Variants in TRMU observed in about 807,000 individuals in gnomAD.
TRMU encodes mitochondrial tRNA-specific 2-thiouridylase 1.
In TRMU, 49 loss-of-function variants were observed where a neutral mutation model predicts 46.9. The observed-to-expected ratio is 1.05, with a 90% CI of 0.83 to 1.33. TRMU has a LOEUF of 1.33. Among genes scored for constraint, TRMU ranks in the 40% most tolerant of loss-of-function variants. TRMU has a pLI of 0.00. For synonymous variants in TRMU, 241 were observed against 200.9 expected (o/e 1.20, Z -1.69); for missense variants, 572 against 532.4 (o/e 1.07, Z -0.73).
Position 46,339,201 on chromosome 22 carries a change from G to A in TRMU, c.248+1257G>A, listed in dbSNP as rs574964715. ...GCCTCGCTCTGTTGCCCAGGCTGGA[G>A]TGCAGTGGCGCAATCTTGGCTCACT... On this transcript the variant is annotated intron_variant, in intron 2 of 10. Coordinates refer to ENST00000645190, the MANE Select transcript of TRMU (RefSeq NM_018006.5). This position sits in a 1 kb window ranked among gnomAD's most constrained non-coding sequence, Gnocchi z 4.8. Among the ~76,000 whole-genome samples the A allele has an allele frequency of 2.1e-3, 313 of 152,248 alleles. 3 individuals carry two copies. Among genetic ancestry groups the A allele is most frequent in the African/African-American group, 7.4e-3 (306 of 41,540 alleles).
chr22:46,345,812 G>C (rs1311704466), intron 3 of TRMU, among the ~76,000 whole-genome samples: 6 of 148,978 alleles, frequency 4.0e-5, no homozygotes, highest in Non-Finnish European at 7.4e-5. Flanking sequence ...CTGTTGCCCA[G>C]ACTAGAGTGC....
chr22:46,354,171 C>T lies in TRMU; in HGVS notation c.873+304C>T, dbSNP rs146432169. 9.7e-4 allele frequency: 355 copies of T among 364,956 alleles called. 1 individual carries two copies. The highest frequency in any genetic ancestry group is 6.5e-3 in the African/African-American group (306 of 47,376). The allele number at this position is 364,956 out of a possible 1,614,324, so 22.6% of individuals were successfully genotyped here. ...ACGCCCAGAGCTTGGGTGGCTCATC[C>T]GGTGGAGAGGGCATGGCCTCAGTGC... On this transcript the variant is annotated intron_variant, in intron 8 of 10. Transcript: ENST00000645190.
At position 46,336,015 on chromosome 22, in the gene TRMU, T is replaced by C; in HGVS notation, c.82+169T>C. On this transcript the variant is annotated intron_variant, in intron 1 of 10. Coordinates refer to ENST00000645190, the MANE Select transcript of TRMU (RefSeq NM_018006.5). This position sits in a 1 kb window ranked among gnomAD's most constrained non-coding sequence, Gnocchi z 4.1. ...ACTTTGGTTCGGAGGCTCCTCGCCC[T>C]CCACCTGTGTAGTCGGAGGTGTGCG... 2.8e-6 allele frequency: 4 copies of C among 1,440,956 alleles called. No individual in the cohort carries two copies. Among genetic ancestry groups the C allele is most frequent in the Non-Finnish European group, 3.6e-6 (4 of 1,098,538 alleles). The allele number at this position is 1,440,956 out of a possible 1,614,324, so 89.3% of individuals were successfully genotyped here.
At chr22:46,356,553 C>T (rs1602001601) in intron 10 of TRMU, 2 of 500,196 alleles carry the variant, frequency 4.0e-6, no homozygotes, top group South Asian at 5.0e-5. Context: ...GCTCCACATT[C>T]CCAAGGGGTG....
In TRMU at chr22:46,356,052, C is replaced by T. The variant is rs185988821; in HGVS notation, c.1081C>T (p.Arg361Cys). 106 of 1,613,970 alleles carry T rather than the reference C, an allele frequency of 6.6e-5. No homozygotes were observed. In the Admixed American group the frequency reaches 6.7e-4, roughly 10 times the overall value. Residue 361 changes from arginine to cysteine, a missense_variant, in exon 10 of 11, where the codon CGT becomes TGT. By Grantham distance (180) the Arg-to-Cys change is radical. Transcript: ENST00000645190. Reference protein sequence around the residue: ...TVWVTAVQAVRALATGQFAVF... With the variant: ...TVWVTAVQAVCALATGQFAVF... Reference sequence around the variant, plus strand: ...GTGGGTGACAGCTGTGCAGGCTGTGCGTGCCCTTGCCACAGGACAGGTGCG... The same window carrying T: ...GTGGGTGACAGCTGTGCAGGCTGTGTGTGCCCTTGCCACAGGACAGGTGCG...
chr22:46,355,621 C>T (rs1262472196), intron 9 of TRMU, 33 bp downstream of exon 9: 2 of 1,613,016 alleles, frequency 1.2e-6, no homozygotes, highest in African/African-American at 1.3e-5. Context: ...AGGACGGGCC[C>T]CTTGAAGCTG....
chr22:46,353,869 T>G lies in TRMU; in HGVS notation c.873+2T>G. On this transcript the variant is annotated splice_donor_variant, in intron 8 of 10. Transcript: ENST00000645190. LOFTEE classifies it high-confidence loss of function. ...AGCGTCAAGGGTGACGTGTTTGTGG[T>G]GAGTGGGCCGGCCTCTGAGACAGCA... The G allele has an allele frequency of 1.2e-6, 2 of 1,613,164 alleles. No individual in the cohort carries two copies. Among genetic ancestry groups the G allele is most frequent in the African/African-American group, 1.3e-5 (1 of 74,976 alleles).
chr22:46,335,790 G>C lies in TRMU; in HGVS notation c.26G>C (p.Cys9Ser), dbSNP rs760507725. The C allele has an allele frequency of 6.4e-7, 1 of 1,560,838 alleles. No individual in the cohort carries two copies. Among genetic ancestry groups the C allele is most frequent in the East Asian group, 2.4e-5 (1 of 41,962 alleles). MQALRHVV[C>S]ALSGGVDSAV... The stretch of plus-strand genomic sequence containing the variant: ...ATGCAGGCCTTGCGGCACGTCGTGT[G>C]CGCCCTGTCCGGCGGCGTGGACAGC... The change falls in exon 1 of 11, where the codon TGC (cysteine) becomes TCC (serine). Residue 9 changes from cysteine to serine, a missense_variant. Cys to Ser is a moderately radical substitution (Grantham distance 112). Coordinates refer to ENST00000645190, the MANE Select transcript of TRMU (RefSeq NM_018006.5).
chr22:46,346,002 A>G (rs562392457), intron 3 of TRMU, among the ~76,000 whole-genome samples: 1 of 152,172 alleles, frequency 6.6e-6, no homozygotes, highest in African/African-American at 2.4e-5. Flanking sequence ...TCCTGAGCAC[A>G]AGCAATCATC....
rs372134730 is a variant in TRMU at position 46,356,076 on chromosome 22, C to T, written c.1101+4C>T. 1.2e-5 allele frequency: 20 copies of T among 1,613,862 alleles called. No individual in the cohort carries two copies. Among genetic ancestry groups the T allele is most frequent in the Middle Eastern group, 1.7e-4 (1 of 6,054 alleles). On this transcript the variant is annotated splice_donor_region_variant and intron_variant, in intron 10 of 10. Transcript: ENST00000645190. ...GCGTGCCCTTGCCACAGGACAGGTGCGTGGGGTGTGGGGGTGAGCCCGGGG... is the reference window on the plus strand; with the variant it reads ...GCGTGCCCTTGCCACAGGACAGGTGTGTGGGGTGTGGGGGTGAGCCCGGGG...
Position 46,356,970 on chromosome 22 carries a change from CCCAGAAGATGGT to C in TRMU, c.1235_1246del (p.Glu412_Pro415del). The C allele has an allele frequency of 3.1e-6, 5 of 1,613,592 alleles. No individual in the cohort carries two copies. Among genetic ancestry groups the C allele is most frequent in the Non-Finnish European group, 4.2e-6 (5 of 1,180,012 alleles). On this transcript the variant is annotated inframe_deletion, in exon 11 of 11. Transcript: ENST00000645190. ...TGGCCACTGAGAGCCCCAGTGACAG[CCCAGAAGATGGT>C]CCAGGCCTGAGTCCCTTGCTCTGAC...
Position 46,338,037 on chromosome 22 carries a change from T to C in TRMU, c.248+93T>C. 4 of 1,554,362 alleles carry C rather than the reference T, an allele frequency of 2.6e-6. No homozygotes were observed. Among genetic ancestry groups the C allele is most frequent in the Non-Finnish European group, 3.5e-6 (4 of 1,129,172 alleles). On this transcript the variant is annotated intron_variant, in intron 2 of 10. Transcript: ENST00000645190. The surrounding 1 kb of genome is among the most constrained non-coding windows in gnomAD (Gnocchi z 4.5). ...TAACCAGCCAGACCGACGCCTGTGC[T>C]GCAGCCCAGCGCTCTCCCTCCACGG... is the stretch of plus-strand genomic sequence containing the variant.
intron 2 of TRMU, among the ~76,000 whole-genome samples, chr22:46,340,245 G>A (rs748220002): frequency 3.9e-5 from 6 of 152,132 alleles, no homozygotes; most frequent in African/African-American, 4.8e-5. Context: ...GGTGTGATGC[G>A]GCTTAGGGAC....
intron 3 of TRMU, among the ~76,000 whole-genome samples, chr22:46,344,768 C>T (rs967199176): frequency 1.3e-5 from 2 of 152,232 alleles, no homozygotes; most frequent in Non-Finnish European, 2.9e-5. Context: ...ACTCACCGCG[C>T]TTCTCAGAGG....
chr22:46,346,250 G>C (rs937574879), intron 3 of TRMU, among the ~76,000 whole-genome samples, 172 bp from the exon 4 acceptor site: 3 of 152,200 alleles, frequency 2.0e-5, no homozygotes, highest in Non-Finnish European at 4.4e-5. Context: ...TGATGAAATT[G>C]GATGTGTGCG....
In TRMU at chr22:46,351,528, G is replaced by A. The variant is rs182835919; in HGVS notation, c.652-593G>A. 106 of 187,968 alleles carry A rather than the reference G, an allele frequency of 5.6e-4. No individual in the cohort carries two copies. The highest frequency in any genetic ancestry group is 1.6e-3 in the Admixed American group (30 of 18,800). 11.6% of individuals were successfully genotyped at this position (187,968 alleles called of 1,614,324 possible). A position where few individuals can be genotyped will look rare whatever the true frequency, so the allele number is the denominator to read the frequency against. On this transcript the variant is annotated intron_variant, in intron 5 of 10. Coordinates refer to ENST00000645190, the MANE Select transcript of TRMU (RefSeq NM_018006.5). The surrounding 1 kb of genome is among the most constrained non-coding windows in gnomAD (Gnocchi z 6.4). ...ATCTTCCCTGAAGAGCACGCCCACC[G>A]CCCGTCCTCCTCTCCTCTTGTTTTC...
intron 5 of TRMU, 21 bp from the exon 6 acceptor site, chr22:46,352,100 G>A: frequency 6.2e-7 from 1 of 1,612,260 alleles, no homozygotes; most frequent in Non-Finnish European, 8.5e-7. Context: ...TCCTCTCACG[G>A]CTGCCGTCTT....
intron 3 of TRMU, 67 bp downstream of exon 3, chr22:46,343,435 G>T: frequency 2.5e-6 from 3 of 1,204,590 alleles, no homozygotes; most frequent in Non-Finnish European, 3.6e-6. Context: ...ACCCAGGCTG[G>T]ATTGCAGTGG....
chr22:46,355,388 C>A, intron 8 of TRMU, 56 bp from the exon 9 acceptor site: 2 of 1,597,914 alleles, frequency 1.3e-6, no homozygotes, highest in Non-Finnish European at 8.5e-7. Context: ...CACACTGAGG[C>A]CGGCCTTGGG....
Sources: gnomAD v4.1 joint callset for allele counts (sites outside exome capture counted in the v4.1 genomes callset) on GRCh38, gnomAD v4.1.1 for gene constraint, Gnocchi (gnomAD v3.1) non-coding constraint, MANE v1.5 for transcripts, NCBI Gene and HGNC (gene_info 2026-07-23, HGNC 2026-07-21) for gene names.